The following ADCY10 variants were observed in gnomAD, a reference collection of about 807,000 sequenced individuals.
The protein encoded by ADCY10 is adenylate cyclase 10, also known as adenylate cyclase type 10.
A neutral mutation model predicts 183.3 loss-of-function variants in ADCY10; 156 were observed. The observed-to-expected ratio is 0.85, with a 90% CI of 0.75 to 0.97. The LOEUF (loss-of-function observed/expected upper bound fraction) is 0.97, where lower values mean the gene tolerates loss of function less well. ADCY10 is among the 50% of genes least tolerant of loss of function. The probability of loss-of-function intolerance (pLI) is 0.00; values close to 1 mark genes in which losing one functional copy is unlikely to be tolerated. For synonymous variants in ADCY10, 645 were observed against 670.0 expected (o/e 0.96, Z 0.58); for missense variants, 1,745 against 1,934.3 (o/e 0.90, Z 1.84).
chr1:167,874,601 C>G (rs560043469), intron 13 of ADCY10, among the ~76,000 whole-genome samples: 1 of 152,152 alleles, frequency 6.6e-6, no homozygotes, highest in African/African-American at 2.4e-5. Flanking sequence ...TTCAGTCCTA[C>G]GTTTTACTCC....
In ADCY10 at chr1:167,876,227, A is replaced by C. The variant is rs192678450; in HGVS notation, c.1407-1041T>G. On this transcript the variant is annotated intron_variant, in intron 12 of 32. Transcript: ENST00000367851. ...AGCCAAGATCACGCCATTGCATTCC[A>C]TCCTGGGCAACAAAAGCAAAGCTCC... 1.2e-3 allele frequency among the ~76,000 whole-genome samples: 184 copies of C among 149,942 alleles called. 3 individuals are homozygous for C. Among genetic ancestry groups the C allele is most frequent in the South Asian group, 6.4e-4 (3 of 4,714 alleles).
chr1:167,818,523 A>T, intron 30 of ADCY10: 1 of 564,302 alleles, frequency 1.8e-6, no homozygotes, highest in Admixed American at 2.4e-5. Context: ...GCCACCATTG[A>T]ACTCTTTGGC....
chr1:167,907,899 T>G (rs1433731486), intron 1 of ADCY10, among the ~76,000 whole-genome samples: 1 of 152,158 alleles, frequency 6.6e-6, no homozygotes, highest in Non-Finnish European at 1.5e-5. Flanking sequence ...TAATGGAAAT[T>G]GATTAGTATT....
chr1:167,845,142 C>T (rs1290733888), intron 21 of ADCY10, among the ~76,000 whole-genome samples: 1 of 152,242 alleles, frequency 6.6e-6, no homozygotes, highest in Non-Finnish European at 1.5e-5. Context: ...AATTCTCTCT[C>T]AGTCATGTTC....
At position 167,836,545 on chromosome 1, in the gene ADCY10, C is replaced by T. The variant is rs1177021560; in HGVS notation, c.3078-5G>A. On this transcript the variant is annotated splice_region_variant and splice_polypyrimidine_tract_variant and intron_variant, in intron 22 of 32. Coordinates refer to ENST00000367851, the MANE Select transcript of ADCY10 (RefSeq NM_018417.6). Reference sequence around the variant, plus strand: ...TTTTCTCTTATTTCTTCAGGACTGTCCATATGCAGAAATAAATAATAGTAA... The same window carrying T: ...TTTTCTCTTATTTCTTCAGGACTGTTCATATGCAGAAATAAATAATAGTAA... 8 of 1,545,280 alleles carry T rather than the reference C, an allele frequency of 5.2e-6. No homozygotes were observed. The South Asian group carries it at 6.7e-5, about 13-fold the overall frequency.
Position 167,813,558 on chromosome 1 carries a change from C to A in ADCY10, c.4483-2645G>T, listed in dbSNP as rs1662348113. 2.0e-5 allele frequency among the ~76,000 whole-genome samples: 3 copies of A among 151,872 alleles called. No homozygotes were observed. The South Asian group carries it at 6.2e-4, about 32-fold the overall frequency. On this transcript the variant is annotated intron_variant, in intron 31 of 32. Coordinates refer to ENST00000367851, the MANE Select transcript of ADCY10 (RefSeq NM_018417.6). ...GAAAGACAAGAAATACCTAAAGGAG[C>A]CCTGTAGGGTAAAATGAAAGGACAG...
chr1:167,836,215 T>C (rs956573731), intron 23 of ADCY10, 94 bp downstream of exon 23: 5 of 813,074 alleles, frequency 6.1e-6, no homozygotes, highest in Non-Finnish European at 1.1e-5. Context: ...ATATACAACG[T>C]GAAGTAATCA....
intron 16 of ADCY10, among the ~76,000 whole-genome samples, chr1:167,859,295 G>T (rs1318285345): frequency 6.6e-6 from 1 of 152,176 alleles, no homozygotes; most frequent in East Asian, 1.9e-4. Context: ...GCTAACACTT[G>T]TTGAGTGTTT....
At chr1:167,811,205 C>G (rs1231069915) in intron 31 of ADCY10, among the ~76,000 whole-genome samples, 1 of 151,902 alleles carries the variant, frequency 6.6e-6, no homozygotes, top group Non-Finnish European at 1.5e-5. Context: ...TAAGGCAGTA[C>G]AAGTTAATTG....
intron 8 of ADCY10, among the ~76,000 whole-genome samples, chr1:167,893,209 A>C (rs896997304): frequency 1.3e-5 from 2 of 152,314 alleles, no homozygotes; most frequent in African/African-American, 4.8e-5. Flanking sequence ...TAGTGTACCA[A>C]TGTTCATCCA....
At chr1:167,822,321 C>G (rs879566572) in intron 29 of ADCY10, among the ~76,000 whole-genome samples, 180 bp from the exon 30 acceptor site, 5 of 152,172 alleles carry the variant, frequency 3.3e-5, no homozygotes, top group Non-Finnish European at 7.3e-5. Context: ...TTTGCTGAGT[C>G]CTACCTATTG....
At chr1:167,875,577 G>T (rs111656129) in intron 12 of ADCY10, among the ~76,000 whole-genome samples, 2 of 152,200 alleles carry the variant, frequency 1.3e-5, no homozygotes, top group Admixed American at 1.3e-4. Flanking sequence ...CCTTTTATTG[G>T]AGCACATGCT....
At chr1:167,821,127 A>G (rs1029699413) in intron 30 of ADCY10, 4 of 152,298 alleles carry the variant, frequency 2.6e-5, no homozygotes, top group African/African-American at 9.6e-5. Flanking sequence ...AGTCATGGAA[A>G]TAATTTAATG....
chr1:167,900,329 A>C (rs1303359465), intron 5 of ADCY10, among the ~76,000 whole-genome samples: 1 of 152,082 alleles, frequency 6.6e-6, no homozygotes, highest in African/African-American at 2.4e-5. Flanking sequence ...TTTGTTTTCT[A>C]TCTGAAACAC....
chr1:167,830,909 C>A (rs1663676084), intron 25 of ADCY10, among the ~76,000 whole-genome samples: 1 of 152,160 alleles, frequency 6.6e-6, no homozygotes. Flanking sequence ...TTTGTCTCAC[C>A]TATCTGTGAC....
chr1:167,832,898 G>A, intron 25 of ADCY10, 89 bp downstream of exon 25: 1 of 1,406,592 alleles, frequency 7.1e-7, no homozygotes, highest in Non-Finnish European at 1.0e-6. Flanking sequence ...CCCCCTGGAG[G>A]CCAGGCTTTG....
intron 21 of ADCY10, among the ~76,000 whole-genome samples, chr1:167,840,940 AT>A (rs377437888): frequency 0.27 from 33,039 of 124,016 alleles, 3,951 homozygotes; most frequent in Non-Finnish European, 0.31. Context: ...GAATAAAATG[AT>A]TTTTTTTTTT....
chr1:167,909,651 A>T (rs1274820282), intron 1 of ADCY10, among the ~76,000 whole-genome samples: 1 of 152,172 alleles, frequency 6.6e-6, no homozygotes, highest in Non-Finnish European at 1.5e-5. Flanking sequence ...GCCCCAGGGA[A>T]GCCGAAAGAT....
intron 14 of ADCY10, among the ~76,000 whole-genome samples, chr1:167,862,007 T>C (rs7414958): frequency 0.18 from 26,896 of 152,170 alleles, 3,122 homozygotes; most frequent in East Asian, 0.42. Context: ...GAGGCCTCCC[T>C]AGCCATGTGG....
Sources: allele counts gnomAD v4.1 joint callset (sites outside exome capture counted in the v4.1 genomes callset), GRCh38; gene constraint gnomAD v4.1.1; transcripts MANE v1.5; gene names NCBI Gene and HGNC (gene_info 2026-07-23, HGNC 2026-07-21).